NR2F1-AS1: variants seen among roughly 807,000 people sequenced by gnomAD.
The protein encoded by NR2F1-AS1 is NR2F1 regulatory antisense RNA 1.
At chr5:93,436,629 T>G (rs1353939581) in intron 4 of NR2F1-AS1, among the ~76,000 whole-genome samples, 1 of 152,174 alleles carries the variant, frequency 6.6e-6, no homozygotes, top group Non-Finnish European at 1.5e-5. Context: ...TTAAATTACT[T>G]AACAGAAATC....
intron 4 of NR2F1-AS1, among the ~76,000 whole-genome samples, chr5:93,463,677 G>A (rs958231226): frequency 5.9e-5 from 9 of 152,322 alleles, no homozygotes; most frequent in Non-Finnish European, 1.3e-4. Context: ...AAGACCATGG[G>A]AACCCACTCT....
At chr5:93,481,954 A>T (rs1750608951) in intron 4 of NR2F1-AS1, among the ~76,000 whole-genome samples, 2 of 152,152 alleles carry the variant, frequency 1.3e-5, no homozygotes, top group African/African-American at 4.8e-5. Context: ...TATATTTTTA[A>T]TAAATCTCAA....
chr5:93,508,085 C>T (rs1471883784), intron 4 of NR2F1-AS1, among the ~76,000 whole-genome samples: 1 of 152,072 alleles, frequency 6.6e-6, no homozygotes, highest in African/African-American at 2.4e-5. Flanking sequence ...ACTAGAAATT[C>T]CATGAAGGTT....
chr5:93,483,911 A>G (rs1750656881), intron 4 of NR2F1-AS1, among the ~76,000 whole-genome samples: 2 of 152,194 alleles, frequency 1.3e-5, no homozygotes, highest in Non-Finnish European at 2.9e-5. Flanking sequence ...AAAAAGAATA[A>G]AAAGAAATGA....
chr5:93,529,953 T>C (rs1301777492), intron 4 of NR2F1-AS1, among the ~76,000 whole-genome samples: 2 of 152,184 alleles, frequency 1.3e-5, no homozygotes, highest in Non-Finnish European at 2.9e-5. Context: ...GGCTCAAACA[T>C]GTTGAATGGT....
intron 4 of NR2F1-AS1, among the ~76,000 whole-genome samples, chr5:93,462,111 A>C (rs115305675): frequency 0.026 from 3,991 of 152,298 alleles, 77 homozygotes; most frequent in Non-Finnish European, 0.042. Flanking sequence ...GTATTTTCTA[A>C]TTTTTCTAAA....
intron 4 of NR2F1-AS1, among the ~76,000 whole-genome samples, chr5:93,430,889 A>G (rs1202568803): frequency 6.6e-6 from 1 of 151,832 alleles, no homozygotes; most frequent in African/African-American, 2.4e-5. Context: ...CATCATCATC[A>G]TCATGGTGAG....
intron 4 of NR2F1-AS1, among the ~76,000 whole-genome samples, chr5:93,472,841 A>G (rs1453634963): frequency 1.3e-5 from 2 of 151,934 alleles, no homozygotes; most frequent in African/African-American, 4.8e-5. Context: ...AAAGCATTCC[A>G]GTGATATCTA....
At chr5:93,502,979 C>T (rs1251746853) in intron 4 of NR2F1-AS1, among the ~76,000 whole-genome samples, 1 of 152,056 alleles carries the variant, frequency 6.6e-6, no homozygotes, top group Non-Finnish European at 1.5e-5. Context: ...AAGCTAATTA[C>T]ATTGTTTACC....
At chr5:93,499,811 T>C (rs1252645814) in intron 4 of NR2F1-AS1, among the ~76,000 whole-genome samples, 1 of 152,188 alleles carries the variant, frequency 6.6e-6, no homozygotes, top group African/African-American at 2.4e-5. Flanking sequence ...TGTGAACACA[T>C]GAATGATAAG....
At chr5:93,437,584 ACT>A (rs1749470205) in intron 4 of NR2F1-AS1, among the ~76,000 whole-genome samples, 1 of 152,096 alleles carries the variant, frequency 6.6e-6, no homozygotes, top group Non-Finnish European at 1.5e-5. Context: ...CCACCACACA[ACT>A]CTCTCATTTT....
intron 4 of NR2F1-AS1, among the ~76,000 whole-genome samples, chr5:93,511,306 G>A (rs1751290657): frequency 6.6e-6 from 1 of 152,144 alleles, no homozygotes; most frequent in African/African-American, 2.4e-5. Flanking sequence ...GCCTGTTTGA[G>A]CTAGAACGTG....
intron 4 of NR2F1-AS1, among the ~76,000 whole-genome samples, chr5:93,527,097 CT>C (rs1195020244): frequency 1.3e-5 from 2 of 151,888 alleles, no homozygotes; most frequent in Non-Finnish European, 2.9e-5. Context: ...TTTAGAAAAC[CT>C]CATCATCTCA....
intron 4 of NR2F1-AS1, among the ~76,000 whole-genome samples, chr5:93,503,730 G>A (rs376513336): frequency 7.3e-4 from 111 of 152,276 alleles, no homozygotes; most frequent in African/African-American, 2.6e-3. Flanking sequence ...AGCTTCCCTG[G>A]TAGACATTTC....
At chr5:93,487,238 TC>T (rs1490251249) in intron 4 of NR2F1-AS1, among the ~76,000 whole-genome samples, 1 of 152,110 alleles carries the variant, frequency 6.6e-6, no homozygotes, top group Non-Finnish European at 1.5e-5. Context: ...TATTGGAAGT[TC>T]TGGCCGCAGC....
At chr5:93,484,644 G>A (rs1480368455) in intron 4 of NR2F1-AS1, among the ~76,000 whole-genome samples, 1 of 152,014 alleles carries the variant, frequency 6.6e-6, no homozygotes, top group Non-Finnish European at 1.5e-5. Flanking sequence ...CCTCTTAAAA[G>A]ACACAGACTG....
chr5:93,555,775 T>C (rs559511050), intron 2 of NR2F1-AS1, among the ~76,000 whole-genome samples: 1 of 152,326 alleles, frequency 6.6e-6, no homozygotes, highest in East Asian at 1.9e-4. Context: ...CTACAGACAC[T>C]AATTTATTTT....
In NR2F1-AS1 at chr5:93,521,780, T is replaced by G. The variant is rs57992335; in HGVS notation, n.638+31981A>C. ...ACTATTGGTGGAAATGTAAATTAGT[T>G]CAACCATTGGAATGCAGTATGGCGA... On this transcript the variant is annotated intron_variant and non_coding_transcript_variant, in intron 4 of 5. Transcript: ENST00000660523. 2.9e-4 allele frequency among the ~76,000 whole-genome samples: 44 copies of G among 152,304 alleles called. No individual in the cohort carries two copies. In the East Asian group the frequency reaches 8.3e-3, roughly 29 times the overall value.
chr5:93,575,119 A>G (rs1752867623), intron 1 of NR2F1-AS1, among the ~76,000 whole-genome samples: 1 of 152,258 alleles, frequency 6.6e-6, no homozygotes, highest in Admixed American at 6.5e-5. Flanking sequence ...TTGTATCCCT[A>G]GTAACCAAGT....
Sources: allele counts gnomAD v4.1 joint callset (sites outside exome capture counted in the v4.1 genomes callset), GRCh38; gene constraint gnomAD v4.1.1; transcripts MANE v1.5; gene names NCBI Gene and HGNC (gene_info 2026-07-23, HGNC 2026-07-21).